EIF3M: variants seen among roughly 807,000 people sequenced by gnomAD.
EIF3M encodes eukaryotic translation initiation factor 3 subunit M.
Under a neutral mutation model 49.7 loss-of-function variants are expected in EIF3M, and 25 were observed. The ratio of observed to expected loss-of-function variants is 0.50; its 90% CI spans 0.37 to 0.70. The LOEUF is 0.70. Ranked by LOEUF, EIF3M falls within the 30% of genes least tolerant of loss-of-function variation. The pLI is 0.00. For missense variants in EIF3M, 350 were observed against 440.0 expected (o/e 0.80, Z 1.83); for synonymous variants, 156 against 149.8 (o/e 1.04, Z -0.30).
At chr11:32,587,698 A>G (rs905948225) in intron 2 of EIF3M, among the ~76,000 whole-genome samples, 5 of 152,340 alleles carry the variant, frequency 3.3e-5, no homozygotes, top group Non-Finnish European at 7.3e-5. Context: ...TTAACATCAA[A>G]TGGGATACAG....
intron 1 of EIF3M, chr11:32,584,148 C>T (rs1013464552): frequency 3.3e-6 from 2 of 597,032 alleles, no homozygotes; most frequent in African/African-American, 3.8e-5. Flanking sequence ...GCTTCACCGC[C>T]AGCTCCCTGG....
In EIF3M at chr11:32,587,299, A is replaced by G. The variant is rs555459747; in HGVS notation, c.175+155A>G. Among the ~76,000 whole-genome samples, 4 of 152,348 alleles carry G rather than the reference A, an allele frequency of 2.6e-5. No individual in the cohort carries two copies. The East Asian group carries it at 7.7e-4, about 29-fold the overall frequency. On this transcript the variant is annotated intron_variant, in intron 2 of 10. Coordinates refer to ENST00000531120, the MANE Select transcript of EIF3M (RefSeq NM_006360.6). ...ATTTATATGTTTTGAATTTCAGACTACAGGACTTTTAAATAGATAGGTAGT... is the reference window on the plus strand; with the variant it reads ...ATTTATATGTTTTGAATTTCAGACTGCAGGACTTTTAAATAGATAGGTAGT...
chr11:32,586,084 C>T (rs1389832919), intron 1 of EIF3M, among the ~76,000 whole-genome samples: 2 of 152,144 alleles, frequency 1.3e-5, no homozygotes, highest in Admixed American at 6.5e-5. Context: ...ACAAAATTAG[C>T]TGGGCATGGT....
intron 5 of EIF3M, chr11:32,592,143 C>T: frequency 2.9e-6 from 1 of 343,674 alleles, no homozygotes; most frequent in South Asian, 2.4e-5. Flanking sequence ...CCTCCTCTTC[C>T]ACCAGAGTTT....
chr11:32,586,853 G>A, intron 1 of EIF3M, 159 bp from the exon 2 acceptor site: 1 of 939,482 alleles, frequency 1.1e-6, no homozygotes, highest in Non-Finnish European at 1.5e-6. Flanking sequence ...GGCTCTTGTG[G>A]GATTGCCAAG....
At chr11:32,599,288 G>A (rs1269415841) in intron 8 of EIF3M, among the ~76,000 whole-genome samples, 1 of 151,912 alleles carries the variant, frequency 6.6e-6, no homozygotes, top group Non-Finnish European at 1.5e-5. Flanking sequence ...GGGTTAATGT[G>A]CACTAATTGA....
At chr11:32,591,989 G>A (rs1367038195) in intron 5 of EIF3M, 2 of 255,874 alleles carry the variant, frequency 7.8e-6, no homozygotes, top group Non-Finnish European at 1.5e-5. Flanking sequence ...CTCCACTGCT[G>A]CCACCATATC....
intron 5 of EIF3M, among the ~76,000 whole-genome samples, chr11:32,591,293 A>C (rs1303094198): frequency 2.0e-5 from 3 of 152,222 alleles, no homozygotes; most frequent in Non-Finnish European, 4.4e-5. Context: ...AATGACTTGC[A>C]CCTGTGCTTA....
intron 9 of EIF3M, chr11:32,601,081 G>T: frequency 3.5e-6 from 1 of 283,696 alleles, no homozygotes. Context: ...GTGGTTAAGA[G>T]CACAGATTTT....
At chr11:32,600,007 A>G (rs924395698) in intron 8 of EIF3M, among the ~76,000 whole-genome samples, 22 of 151,908 alleles carry the variant, frequency 1.4e-4, no homozygotes, top group Admixed American at 3.3e-4. Context: ...TATTTGTGCA[A>G]TTTTCTACTT....
At chr11:32,590,608 T>G (rs559660412) in intron 5 of EIF3M, among the ~76,000 whole-genome samples, 50 of 152,224 alleles carry the variant, frequency 3.3e-4, no homozygotes, top group African/African-American at 1.2e-3. Flanking sequence ...GGGCACTGAG[T>G]GGATAAATGC....
Position 32,586,998 on chromosome 11 carries a change from G to A in EIF3M, c.43-14G>A, listed in dbSNP as rs758670635. The A allele has an allele frequency of 2.5e-6, 4 of 1,594,286 alleles. No homozygotes were observed. In the Admixed American group the frequency reaches 5.4e-5, roughly 21 times the overall value. ...CATTCGTAGTCAGTTTTATAATAGAGCAATCCTCAACAGGCTGCTGAGCTT... is the reference window on the plus strand; with the variant it reads ...CATTCGTAGTCAGTTTTATAATAGAACAATCCTCAACAGGCTGCTGAGCTT... On this transcript the variant is annotated splice_polypyrimidine_tract_variant and intron_variant, in intron 1 of 10. Coordinates refer to ENST00000531120, the MANE Select transcript of EIF3M (RefSeq NM_006360.6).
intron 1 of EIF3M, among the ~76,000 whole-genome samples, chr11:32,586,727 T>C (rs1485270069): frequency 6.6e-6 from 1 of 152,240 alleles, no homozygotes; most frequent in Non-Finnish European, 1.5e-5. Flanking sequence ...AAAAAGATTT[T>C]TGCTGTATGC....
rs1468749755 is a variant in EIF3M, at chr11:32,589,087, G to A, written c.390G>A (p.Val130=). The A allele has an allele frequency of 5.6e-6, 9 of 1,614,082 alleles. No homozygotes were observed. Among genetic ancestry groups the A allele is most frequent in the African/African-American group, 1.3e-5 (1 of 74,918 alleles). The change falls in exon 4 of 11, where the codon GTG becomes GTA. Residue 130 remains valine, a synonymous_variant. Transcript: ENST00000531120. ...CAGTGTATTGCAGCCTTATTAAAGT[G>A]GCAGCATCTTGTGGGGCCATCCAGT... The part of the protein sequence containing the change: ...RYTVYCSLIK[V]AASCGAIQYI...
chr11:32,600,949 A>G (rs1855253025), intron 9 of EIF3M, 117 bp downstream of exon 9: 1 of 1,331,666 alleles, frequency 7.5e-7, no homozygotes, highest in Non-Finnish European at 1.0e-6. Flanking sequence ...TTTATAGCAG[A>G]TGTGTATTTA....
chr11:32,598,107 A>G (rs1279713010), intron 8 of EIF3M, among the ~76,000 whole-genome samples: 2 of 152,194 alleles, frequency 1.3e-5, no homozygotes, highest in African/African-American at 4.8e-5. Flanking sequence ...GCATGAAGCT[A>G]TGTGATGGAA....
chr11:32,601,013 T>G, intron 9 of EIF3M, 181 bp downstream of exon 9: 1 of 657,800 alleles, frequency 1.5e-6, no homozygotes, highest in African/African-American at 1.9e-5. Context: ...AAATATAAAC[T>G]GCTATATTCT....
At chr11:32,591,506 G>T (rs1590518463) in intron 5 of EIF3M, among the ~76,000 whole-genome samples, 1 of 152,202 alleles carries the variant, frequency 6.6e-6, no homozygotes, top group East Asian at 1.9e-4. Flanking sequence ...AAAGGCAAAG[G>T]TACAACAGAT....
At chr11:32,588,472 G>T in intron 2 of EIF3M, 122 bp from the exon 3 acceptor site, 5 of 1,065,928 alleles carry the variant, frequency 4.7e-6, no homozygotes, top group East Asian at 3.3e-5. Flanking sequence ...GTTGCTTTCT[G>T]AATGCGAAAG....
Sources: gnomAD v4.1 joint callset for allele counts (sites outside exome capture counted in the v4.1 genomes callset) on GRCh38, gnomAD v4.1.1 for gene constraint, MANE v1.5 for transcripts, NCBI Gene and HGNC (gene_info 2026-07-23, HGNC 2026-07-21) for gene names.